The following EXOC6 variants were observed in gnomAD, a reference collection of about 807,000 sequenced individuals.
The protein encoded by EXOC6 is exocyst complex component 6, also known as SEC15-like 1.
In EXOC6, 60 loss-of-function variants were observed where a neutral mutation model predicts 112.5. That is an observed-to-expected ratio of 0.53 (90% CI 0.43 to 0.66). The LOEUF is 0.66. Ranked by LOEUF, EXOC6 falls within the 30% of genes least tolerant of loss-of-function variation. The probability of loss-of-function intolerance (pLI) is 0.00; values close to 1 mark genes in which losing one functional copy is unlikely to be tolerated. For missense variants in EXOC6, 855 were observed against 957.1 expected, an observed-to-expected ratio of 0.89 and a Z score of 1.41; for synonymous variants, 295 against 308.0, an observed-to-expected ratio of 0.96 and a Z score of 0.44.
At chr10:93,037,142 TA>T (rs1203023891) in intron 20 of EXOC6, among the ~76,000 whole-genome samples, 1 of 151,352 alleles carries the variant, frequency 6.6e-6, no homozygotes, top group African/African-American at 2.4e-5. Flanking sequence ...TTTCTTCTTC[TA>T]CTTTTTTTTT....
intron 1 of EXOC6, among the ~76,000 whole-genome samples, chr10:92,851,694 CAACT>C (rs1424203913): frequency 7.3e-5 from 11 of 151,518 alleles, no homozygotes; most frequent in East Asian, 1.9e-4. Context: ...CAAAACCAAC[CAACT>C]AACCAAACAA....
At chr10:92,832,015 T>C (rs1032005310), upstream of EXOC6, among the ~76,000 whole-genome samples, 3 of 152,250 alleles carry the variant, frequency 2.0e-5, no homozygotes, top group Non-Finnish European at 2.9e-5. Context: ...CACAGATGTA[T>C]GTGTTCATGA....
At chr10:92,896,181 ATTTTTTTTTT>A (rs58783356) in intron 4 of EXOC6, among the ~76,000 whole-genome samples, 323 of 10,190 alleles carry the variant, frequency 0.032, 8 homozygotes, top group Admixed American at 0.045. Flanking sequence ...ATATATATAT[ATTTTTTTTTT>A]TTTTTTTTTT....
rs2133959279 is a variant in EXOC6, at chr10:92,935,827, A to G, written c.1154A>G (p.Asp385Gly). 4 of 1,609,020 alleles carry G rather than the reference A, an allele frequency of 2.5e-6. No individual in the cohort carries two copies. The highest frequency in any genetic ancestry group is 1.7e-6 in the Non-Finnish European group (2 of 1,176,804). ...TTCCACCCTCAGTCCTATTGCACTGATCCTGATCTTGTTCTGGAGCTGAAG... is the reference window on the plus strand; with the variant it reads ...TTCCACCCTCAGTCCTATTGCACTGGTCCTGATCTTGTTCTGGAGCTGAAG... ...VLRAHSSYCT[D>G]PDLVLELKNL... Residue 385 changes from aspartate to glycine, a missense_variant, in exon 12 of 22, where the codon GAT (aspartate) becomes GGT (glycine). Physicochemically the swap from Asp to Gly is moderately conservative, Grantham distance 94. Coordinates refer to ENST00000260762, the MANE Select transcript of EXOC6 (RefSeq NM_019053.6).
At chr10:93,050,993 T>C (rs951456495) in intron 20 of EXOC6, among the ~76,000 whole-genome samples, 2 of 152,098 alleles carry the variant, frequency 1.3e-5, no homozygotes, top group African/African-American at 2.4e-5. Flanking sequence ...AACTATGTAT[T>C]TGATAAAATT....
At chr10:92,988,457 T>C (rs1843097790) in intron 18 of EXOC6, among the ~76,000 whole-genome samples, 1 of 152,222 alleles carries the variant, frequency 6.6e-6, no homozygotes, top group Non-Finnish European at 1.5e-5. Flanking sequence ...GTTCAAGTTT[T>C]GATTAATGTA....
chr10:92,907,138 T>C (rs1195130713), intron 5 of EXOC6, among the ~76,000 whole-genome samples: 1 of 152,180 alleles, frequency 6.6e-6, no homozygotes, highest in Non-Finnish European at 1.5e-5. Context: ...ATTTTACTAC[T>C]TTTTTAGGGA....
intron 19 of EXOC6, among the ~76,000 whole-genome samples, chr10:93,008,500 A>C (rs936853844): frequency 3.9e-5 from 6 of 152,220 alleles, no homozygotes; most frequent in Non-Finnish European, 7.3e-5. Context: ...GGTCCAAGGG[A>C]GGAGAATTAG....
chr10:92,957,870 T>C (rs1194993839), intron 17 of EXOC6, among the ~76,000 whole-genome samples: 4 of 152,174 alleles, frequency 2.6e-5, no homozygotes, highest in Non-Finnish European at 4.4e-5. Context: ...ACAAAAACGA[T>C]TGAAGTACAG....
chr10:93,048,703 C>G (rs981720042), intron 20 of EXOC6, among the ~76,000 whole-genome samples: 1 of 144,672 alleles, frequency 6.9e-6, no homozygotes, highest in Non-Finnish European at 1.5e-5. Flanking sequence ...TTGCAGTGAG[C>G]CAAGATCGTG....
chr10:92,929,546 T>TTA (rs1246387527), intron 9 of EXOC6, among the ~76,000 whole-genome samples: 2 of 152,206 alleles, frequency 1.3e-5, no homozygotes, highest in East Asian at 3.8e-4. Context: ...GACTCGATAT[T>TTA]TGAATTATTA....
chr10:93,016,986 T>C (rs1844553940), intron 20 of EXOC6, among the ~76,000 whole-genome samples: 1 of 151,772 alleles, frequency 6.6e-6, no homozygotes, highest in Non-Finnish European at 1.5e-5. Flanking sequence ...CTAATTTTTT[T>C]TGTATTTTTA....
intron 16 of EXOC6, 55 bp from the exon 17 acceptor site, chr10:92,955,525 G>A: frequency 7.1e-7 from 1 of 1,409,890 alleles, no homozygotes; most frequent in Non-Finnish European, 9.8e-7. Context: ...TAAAAATTAG[G>A]TGATTTTACA....
chr10:92,974,106 T>G lies in EXOC6; in HGVS notation c.1827T>G (p.Ile609Met). ...GEIYTKLNQK[I>M]DEFVQLADYD... ...TATATACCAAACTGAATCAAAAAAT[T>G]GATGAATTTGTTCAGCTTGCTGATT... Residue 609 changes from isoleucine (I) to methionine (M), a missense_variant, in exon 18 of 22, where the codon ATT (isoleucine) becomes ATG (methionine). Transcript: ENST00000260762. 6.2e-7 allele frequency: 1 copy of G among 1,603,474 alleles called. No homozygotes were observed. The highest frequency in any genetic ancestry group is 8.5e-7 in the Non-Finnish European group (1 of 1,177,830).
intron 20 of EXOC6, among the ~76,000 whole-genome samples, chr10:93,016,311 T>TC (rs1690208058): frequency 6.6e-6 from 1 of 151,670 alleles, no homozygotes; most frequent in Non-Finnish European, 1.5e-5. Context: ...TTTTTTTTTT[T>TC]TGTATTTTTA....
At chr10:93,019,255 C>T (rs535978775) in intron 20 of EXOC6, among the ~76,000 whole-genome samples, 1 of 152,318 alleles carries the variant, frequency 6.6e-6, no homozygotes, top group African/African-American at 2.4e-5. Context: ...GCTGGGATTA[C>T]AGGCGTGAGC....
chr10:92,936,613 A>G (rs1293918450), intron 12 of EXOC6, among the ~76,000 whole-genome samples: 1 of 152,262 alleles, frequency 6.6e-6, no homozygotes, highest in Non-Finnish European at 1.5e-5. Flanking sequence ...AAAAACACGA[A>G]ACAAACAAAA....
At chr10:92,858,459 T>C (rs187570250) in intron 1 of EXOC6, among the ~76,000 whole-genome samples, 241 of 152,280 alleles carry the variant, frequency 1.6e-3, no homozygotes, top group African/African-American at 5.5e-3. Flanking sequence ...TTTTCTCTCT[T>C]GTTCTCTGAT....
chr10:92,964,423 G>C (rs1014674596), intron 17 of EXOC6, among the ~76,000 whole-genome samples: 1 of 152,080 alleles, frequency 6.6e-6, no homozygotes, highest in Non-Finnish European at 1.5e-5. Flanking sequence ...CATTAGAAAT[G>C]TTTAGGTCAA....
Sources: gnomAD v4.1 joint callset for allele counts (sites outside exome capture counted in the v4.1 genomes callset) on GRCh38, gnomAD v4.1.1 for gene constraint, MANE v1.5 for transcripts, NCBI Gene and HGNC (gene_info 2026-07-23, HGNC 2026-07-21) for gene names.